The following SULF2 variants were observed in gnomAD, a reference collection of about 807,000 sequenced individuals.
The protein encoded by SULF2 is extracellular sulfatase Sulf-2.
Under a neutral mutation model 107.7 loss-of-function variants are expected in SULF2, and 52 were observed. That is an observed-to-expected ratio of 0.48 (90% CI 0.39 to 0.61). SULF2 has a LOEUF of 0.61. SULF2 is among the 20% of genes least tolerant of loss of function. The pLI is 0.00. For missense variants in SULF2, 993 were observed against 1,177.3 expected (o/e 0.84, Z 2.29); for synonymous variants, 460 against 464.3 (o/e 0.99, Z 0.12).
chr20:47,734,009 T>C (rs998614710), intron 3 of SULF2, among the ~76,000 whole-genome samples: 40 of 152,234 alleles, frequency 2.6e-4, no homozygotes, highest in African/African-American at 9.6e-4. Context: ...TAGACTTCAC[T>C]TGTCCTTCAG....
At chr20:47,659,784 A>C (rs2087006898) in intron 18 of SULF2, 54 bp from the exon 19 acceptor site, 1 of 1,393,834 alleles carries the variant, frequency 7.2e-7, no homozygotes, top group South Asian at 1.2e-5. Flanking sequence ...TAGGCAAAAC[A>C]ACCCCAACAC....
Position 47,735,264 on chromosome 20 carries a change from G to A in SULF2, c.415+1439C>T, listed in dbSNP as rs536597578. 5.3e-5 allele frequency among the ~76,000 whole-genome samples: 8 copies of A among 152,240 alleles called. No individual in the cohort carries two copies. The South Asian group carries it at 1.7e-3, about 32-fold the overall frequency. ...TTTCTGTACAGACCTTTCACCCAGA[G>A]GTTGTGAAAAGAGAGTCTGTGAGCC... is the stretch of plus-strand genomic sequence containing the variant. On this transcript the variant is annotated intron_variant, in intron 3 of 20. Transcript: ENST00000688720.
At chr20:47,753,349 C>T (rs551913298) in intron 2 of SULF2, among the ~76,000 whole-genome samples, 10 of 152,306 alleles carry the variant, frequency 6.6e-5, no homozygotes, top group Admixed American at 5.9e-4. Flanking sequence ...GTGGGACCCC[C>T]ACATCAAAAG....
chr20:47,764,454 T>C (rs939555600), intron 1 of SULF2, among the ~76,000 whole-genome samples: 1 of 151,914 alleles, frequency 6.6e-6, no homozygotes, highest in East Asian at 1.9e-4. Flanking sequence ...CCACCCCCCC[T>C]TATATATGGT....
chr20:47,659,545 G>T, intron 19 of SULF2, 93 bp from the exon 20 acceptor site: 1 of 1,442,212 alleles, frequency 6.9e-7, no homozygotes, highest in South Asian at 1.1e-5. Context: ...TCTCCTAGGT[G>T]ACACCTATCT....
intron 1 of SULF2, among the ~76,000 whole-genome samples, chr20:47,760,226 C>T (rs2090388533): frequency 6.6e-6 from 1 of 152,186 alleles, no homozygotes; most frequent in African/African-American, 2.4e-5. Flanking sequence ...TCCCCCAGCT[C>T]TGCTTGGCAC....
At chr20:47,668,531 C>A (rs1001217666) in intron 11 of SULF2, among the ~76,000 whole-genome samples, 3 of 152,208 alleles carry the variant, frequency 2.0e-5, no homozygotes, top group Non-Finnish European at 4.4e-5. Context: ...AACCCGGCGG[C>A]CAAGAGCTTT....
chr20:47,719,453 C>T (rs1284689846), intron 3 of SULF2, among the ~76,000 whole-genome samples: 3 of 152,140 alleles, frequency 2.0e-5, no homozygotes, highest in Non-Finnish European at 2.9e-5. Flanking sequence ...TAAGGACGAT[C>T]GCCCAGGATG....
chr20:47,728,187 C>A (rs1405379702), intron 3 of SULF2, among the ~76,000 whole-genome samples: 1 of 152,108 alleles, frequency 6.6e-6, no homozygotes, highest in Non-Finnish European at 1.5e-5. Context: ...TGAGAGGCAG[C>A]TGGACCGAGG....
At position 47,666,454 on chromosome 20, in the gene SULF2, G is replaced by T. The variant is rs768504114; in HGVS notation, c.1611C>A (p.Ile537=). 6.2e-7 allele frequency: 1 copy of T among 1,613,584 alleles called. No individual in the cohort carries two copies. The highest frequency in any genetic ancestry group is 8.5e-7 in the Non-Finnish European group (1 of 1,180,048). Residue 537 remains isoleucine (I), a synonymous_variant, in exon 12 of 21, where the codon ATC becomes ATA. Transcript: ENST00000688720. This position sits in a 1 kb window ranked among gnomAD's most constrained non-coding sequence, Gnocchi z 5.4. ...YKASYVRSRS[I]RSVAIEVDGR... ...CGTCCACCTCGATGGCCACTGAGCG[G>T]ATGGAGCGACTGCGGACATAGCTGG...
At chr20:47,744,238 A>G (rs1266814133) in intron 2 of SULF2, among the ~76,000 whole-genome samples, 1 of 152,290 alleles carries the variant, frequency 6.6e-6, no homozygotes, top group African/African-American at 2.4e-5. Flanking sequence ...GCTGGAGTGC[A>G]GCGGCGCGAT....
At position 47,663,110 on chromosome 20, in the gene SULF2, C is replaced by A; in HGVS notation, c.2330G>T (p.Gly777Val). Residue 777 changes from glycine (G) to valine (V), a missense_variant, in exon 17 of 21, where the codon GGC becomes GTC. By Grantham distance (109) the Gly-to-Val change is moderately radical. Coordinates refer to ENST00000688720, the MANE Select transcript of SULF2 (RefSeq NM_001387048.1). Reference sequence around the variant, plus strand: ...GTTGAGATCAAAGTACTCTAGGAAGCCAGTTGCAAATTCACAGAAGAGGAA... The same window carrying A: ...GTTGAGATCAAAGTACTCTAGGAAGACAGTTGCAAATTCACAGAAGAGGAA... The part of the protein sequence containing the change: ...HNFLFCEFAT[G>V]FLEYFDLNTD... 6.2e-7 allele frequency: 1 copy of A among 1,614,110 alleles called. No homozygotes were observed. Among genetic ancestry groups the A allele is most frequent in the Non-Finnish European group, 8.5e-7 (1 of 1,180,014 alleles).
At position 47,663,440 on chromosome 20, in the gene SULF2, T is replaced by C. The variant is rs758175939; in HGVS notation, c.2227+13A>G. The C allele has an allele frequency of 3.7e-6, 6 of 1,606,222 alleles. No individual in the cohort carries two copies. Among genetic ancestry groups the C allele is most frequent in the Middle Eastern group, 3.4e-4 (2 of 5,816 alleles). ...GGCCTCAGCCTGTCCACCCCTGCCC[T>C]GGGCTTGCTCACGTGTCCAGAAAGG... is the stretch of plus-strand genomic sequence containing the variant. On this transcript the variant is annotated intron_variant, in intron 16 of 20. Transcript: ENST00000688720.
chr20:47,732,946 C>T (rs1184333821), intron 3 of SULF2, among the ~76,000 whole-genome samples: 4 of 152,188 alleles, frequency 2.6e-5, no homozygotes, highest in Admixed American at 1.3e-4. Context: ...TGTAAGAAGC[C>T]ATACAGAGAA....
intron 3 of SULF2, among the ~76,000 whole-genome samples, chr20:47,736,170 T>C (rs1030046316): frequency 6.6e-6 from 1 of 152,162 alleles, no homozygotes; most frequent in Admixed American, 6.5e-5. Context: ...AAACAGGAAC[T>C]GGGTCGCCCT....
chr20:47,683,220 C>T (rs368117696), intron 6 of SULF2, 51 bp from the exon 7 acceptor site: 87 of 1,511,734 alleles, frequency 5.8e-5, no homozygotes, highest in Non-Finnish European at 6.8e-5. Context: ...GTGCCTGGCC[C>T]GTCTCCGACC....
chr20:47,704,146 C>A (rs1032733946), intron 3 of SULF2, among the ~76,000 whole-genome samples: 2 of 152,162 alleles, frequency 1.3e-5, no homozygotes, highest in African/African-American at 4.8e-5. Flanking sequence ...CACATGCACG[C>A]TTTACATCAA....
At chr20:47,748,694 G>A (rs191086533) in intron 2 of SULF2, among the ~76,000 whole-genome samples, 122 of 152,266 alleles carry the variant, frequency 8.0e-4, no homozygotes, top group African/African-American at 2.8e-3. Flanking sequence ...CCTGGCAGGA[G>A]ATCGGAGAAA....
chr20:47,705,944 G>A (rs549582174), intron 3 of SULF2, among the ~76,000 whole-genome samples: 5 of 151,846 alleles, frequency 3.3e-5, no homozygotes, highest in South Asian at 2.1e-4. Flanking sequence ...GACTACAAGC[G>A]TGCACCATGA....
Sources: gnomAD v4.1 joint callset for allele counts (sites outside exome capture counted in the v4.1 genomes callset) on GRCh38, gnomAD v4.1.1 for gene constraint, Gnocchi (gnomAD v3.1) non-coding constraint, MANE v1.5 for transcripts, NCBI Gene and HGNC (gene_info 2026-07-23, HGNC 2026-07-21) for gene names.